GATAD2A: variants seen among roughly 807,000 people sequenced by gnomAD.
GATAD2A encodes the protein transcriptional repressor p66-alpha.
In GATAD2A, 12 loss-of-function variants were observed where a neutral mutation model predicts 68.5. The ratio of observed to expected loss-of-function variants is 0.18; its 90% CI spans 0.11 to 0.28. The LOEUF (loss-of-function observed/expected upper bound fraction) is 0.28, where lower values mean the gene tolerates loss of function less well. GATAD2A is among the 10% of genes least tolerant of loss of function. GATAD2A has a pLI of 1.00. For missense variants in GATAD2A, 755 were observed against 868.5 expected (o/e 0.87, Z 1.64); for synonymous variants, 410 against 375.3 (o/e 1.09, Z -1.07).
chr19:19,480,733 G>T (rs887275719), intron 2 of GATAD2A, among the ~76,000 whole-genome samples: 3 of 152,240 alleles, frequency 2.0e-5, no homozygotes, highest in Non-Finnish European at 4.4e-5. Context: ...CTGCAGAGGT[G>T]CACCCAGCCC....
intron 2 of GATAD2A, among the ~76,000 whole-genome samples, chr19:19,468,383 G>C (rs145402428): frequency 9.4e-4 from 143 of 152,294 alleles, no homozygotes; most frequent in African/African-American, 3.2e-3. Flanking sequence ...TTTAGCCCAA[G>C]GTTGGGGCAA....
chr19:19,398,085 T>G (rs1346031982), intron 1 of GATAD2A, among the ~76,000 whole-genome samples: 3 of 151,806 alleles, frequency 2.0e-5, no homozygotes, highest in African/African-American at 7.3e-5. Flanking sequence ...GTATTTTTAG[T>G]AGAGATGGGG....
intron 1 of GATAD2A, among the ~76,000 whole-genome samples, chr19:19,387,844 A>T (rs1372201733): frequency 6.6e-6 from 1 of 151,992 alleles, no homozygotes; most frequent in Non-Finnish European, 1.5e-5. Flanking sequence ...CCACTCCTGT[A>T]GGCTCCTCAC....
At chr19:19,403,317 C>T (rs538381829), upstream of GATAD2A, among the ~76,000 whole-genome samples, 1 of 152,094 alleles carries the variant, frequency 6.6e-6, no homozygotes, top group African/African-American at 2.4e-5. Context: ...GCCTATGGGA[C>T]CCCAAGCAGA....
At chr19:19,412,442 A>G (rs533323447) in intron 1 of GATAD2A, among the ~76,000 whole-genome samples, 4 of 151,698 alleles carry the variant, frequency 2.6e-5, no homozygotes, top group African/African-American at 9.7e-5. Context: ...GGCGTGAGCC[A>G]CCGTGCCCGG....
intron 1 of GATAD2A, among the ~76,000 whole-genome samples, chr19:19,452,598 G>A (rs770016726): frequency 1.3e-5 from 2 of 151,550 alleles, no homozygotes; most frequent in Non-Finnish European, 2.9e-5. Flanking sequence ...GGGGTGAAGT[G>A]ACGTGCAGAA....
intron 1 of GATAD2A, among the ~76,000 whole-genome samples, chr19:19,420,177 G>GTTTT (rs71170684): frequency 5.6e-4 from 50 of 89,892 alleles, no homozygotes; most frequent in East Asian, 1.0e-3. Context: ...TATCCAGCTA[G>GTTTT]TTTTTTTTTT....
intron 11 of GATAD2A, 25 bp from the exon 12 acceptor site, chr19:19,505,319 A>G (rs1426247329): frequency 1.2e-6 from 2 of 1,610,374 alleles, no homozygotes; most frequent in Non-Finnish European, 1.7e-6. Flanking sequence ...GGGCCTTCTC[A>G]GCTGGTCGCT....
chr19:19,395,255 G>A (rs1391710171), intron 1 of GATAD2A, among the ~76,000 whole-genome samples: 1 of 152,182 alleles, frequency 6.6e-6, no homozygotes, highest in Non-Finnish European at 1.5e-5. Flanking sequence ...AGGAGTTTGA[G>A]ACCTGCCTGG....
At chr19:19,428,239 G>A (rs1351170412) in intron 1 of GATAD2A, among the ~76,000 whole-genome samples, 3 of 152,152 alleles carry the variant, frequency 2.0e-5, no homozygotes, top group East Asian at 1.9e-4. Context: ...TCATCTGCAC[G>A]TAGACATTTG....
At chr19:19,415,989 GCT>G (rs1176311845) in intron 1 of GATAD2A, among the ~76,000 whole-genome samples, 4 of 151,398 alleles carry the variant, frequency 2.6e-5, no homozygotes, top group African/African-American at 9.7e-5. Flanking sequence ...ACATGGTTTT[GCT>G]CTGTCACCCA....
At chr19:19,413,398 T>A (rs961355867) in intron 1 of GATAD2A, among the ~76,000 whole-genome samples, 2 of 152,192 alleles carry the variant, frequency 1.3e-5, no homozygotes, top group African/African-American at 4.8e-5. Flanking sequence ...AGGACTTGCG[T>A]ATCATTGACG....
chr19:19,491,438 G>A (rs1467174801), intron 2 of GATAD2A, among the ~76,000 whole-genome samples: 2 of 152,164 alleles, frequency 1.3e-5, no homozygotes, highest in East Asian at 3.9e-4. Flanking sequence ...AAAGAAAAAG[G>A]TGTGGGGGCT....
chr19:19,488,608 C>T (rs915250432), intron 2 of GATAD2A, among the ~76,000 whole-genome samples: 1 of 152,204 alleles, frequency 6.6e-6, no homozygotes, highest in African/African-American at 2.4e-5. Flanking sequence ...ATAATCCCGG[C>T]CTCTCCTCCA....
At position 19,436,238 on chromosome 19, in the gene GATAD2A, G is replaced by T. The variant is rs1271907682; in HGVS notation, c.-6-29102G>T. 9.9e-6 allele frequency: 13 copies of T among 1,313,536 alleles called. No individual in the cohort carries two copies. In the African/African-American group the frequency reaches 1.8e-4, roughly 18 times the overall value. The allele number at this position is 1,313,536 out of a possible 1,614,324, so 81.4% of individuals were successfully genotyped here. ...AAGCCAGGTGAGTGCTTGGGGTGTA[G>T]TGTCTGTGGAAGGAAGGTTCCACGC... On this transcript the variant is annotated intron_variant, in intron 1 of 11. Coordinates refer to ENST00000683918, the MANE Select transcript of GATAD2A (RefSeq NM_001384528.1).
chr19:19,498,059 G>C (rs2060266917), intron 7 of GATAD2A, among the ~76,000 whole-genome samples: 2 of 152,248 alleles, frequency 1.3e-5, no homozygotes, highest in South Asian at 4.1e-4. Flanking sequence ...GAAGGCAGTA[G>C]GCCAGGCCAC....
intron 5 of GATAD2A, among the ~76,000 whole-genome samples, chr19:19,495,466 G>A (rs1180070040): frequency 6.6e-6 from 1 of 151,756 alleles, no homozygotes; most frequent in Non-Finnish European, 1.5e-5. Flanking sequence ...GTGCCACCAC[G>A]CCTGGCTAAT....
At position 19,501,979 on chromosome 19, in the gene GATAD2A, C is replaced by A. The variant is rs2148495770; in HGVS notation, c.1514C>A (p.Pro505His). 1.2e-6 allele frequency: 2 copies of A among 1,613,872 alleles called. No homozygotes were observed. Among genetic ancestry groups the A allele is most frequent in the Non-Finnish European group, 1.7e-6 (2 of 1,179,838 alleles). The change falls in exon 10 of 12, where the codon CCC becomes CAC. Residue 505 changes from proline (P) to histidine (H), a missense_variant. Transcript: ENST00000683918. ...CCCCCGTTTGTGTAGGTCATAAAAC[C>A]CCGGCGTAAGTTGGCGTTCCGCTCA... ...PHPVLKQVIK[P>H]RRKLAFRSGE...
intron 1 of GATAD2A, among the ~76,000 whole-genome samples, chr19:19,409,940 A>G (rs1363510185): frequency 6.6e-6 from 1 of 152,224 alleles, no homozygotes; most frequent in Non-Finnish European, 1.5e-5. Flanking sequence ...TTTAGAAGAC[A>G]AAGGAATTTA....
Sources: gnomAD v4.1 joint callset for allele counts (sites outside exome capture counted in the v4.1 genomes callset) on GRCh38, gnomAD v4.1.1 for gene constraint, MANE v1.5 for transcripts, NCBI Gene and HGNC (gene_info 2026-07-23, HGNC 2026-07-21) for gene names.